FRMD4A: variants seen among roughly 807,000 people sequenced by gnomAD.
The protein encoded by FRMD4A is FERM domain-containing protein 4A.
In FRMD4A, 29 loss-of-function variants were observed where a neutral mutation model predicts 129.1. The ratio of observed to expected loss-of-function variants is 0.22; its 90% confidence interval spans 0.17 to 0.31. FRMD4A has a LOEUF of 0.31. Among genes scored for constraint, FRMD4A ranks in the 10% least tolerant of loss-of-function variants. The pLI, the probability that FRMD4A is intolerant of heterozygous loss-of-function variation, is 1.00. For synonymous variants in FRMD4A, 634 were observed against 571.6 expected (o/e 1.11, Z -1.56); for missense variants, 1,272 against 1,375.8 (o/e 0.92, Z 1.19).
At chr10:13,815,124 C>T (rs1169842265) in intron 3 of FRMD4A, among the ~76,000 whole-genome samples, 1 of 152,082 alleles carries the variant, frequency 6.6e-6, no homozygotes, top group Non-Finnish European at 1.5e-5. Flanking sequence ...CATTCTTTTG[C>T]CAAAGAAGAT....
chr10:14,163,628 T>TC (rs1323277566), intron 2 of FRMD4A, among the ~76,000 whole-genome samples: 2 of 152,192 alleles, frequency 1.3e-5, no homozygotes, highest in Non-Finnish European at 2.9e-5. Flanking sequence ...ACTTAATAAA[T>TC]CCTTGTTGGA....
At chr10:13,941,438 A>G (rs1399842715) in intron 2 of FRMD4A, among the ~76,000 whole-genome samples, 1 of 152,236 alleles carries the variant, frequency 6.6e-6, no homozygotes, top group East Asian at 1.9e-4. Flanking sequence ...AGCAGCGTGT[A>G]AACGGACTAA....
At chr10:13,863,004 A>G (rs1468248320) in intron 2 of FRMD4A, among the ~76,000 whole-genome samples, 1 of 148,276 alleles carries the variant, frequency 6.7e-6, no homozygotes, top group Non-Finnish European at 1.5e-5. Context: ...CCCTGGCATC[A>G]CCCTCAAAGG....
chr10:14,187,139 G>A (rs1842171832), intron 2 of FRMD4A, among the ~76,000 whole-genome samples: 1 of 122,988 alleles, frequency 8.1e-6, no homozygotes, highest in African/African-American at 3.0e-5. Flanking sequence ...AGGAAAGAAG[G>A]AAGGAAGGAA....
At chr10:13,723,133 T>G (rs1317149910) in intron 12 of FRMD4A, among the ~76,000 whole-genome samples, 1 of 152,112 alleles carries the variant, frequency 6.6e-6, no homozygotes, top group African/African-American at 2.4e-5. Context: ...GTTAGCTACA[T>G]CCCTATGCTG....
intron 2 of FRMD4A, among the ~76,000 whole-genome samples, chr10:14,001,343 G>A (rs1222417709): frequency 5.3e-5 from 8 of 152,188 alleles, no homozygotes; most frequent in African/African-American, 1.9e-4. Context: ...ATGACGAGGG[G>A]ACAAGCTATT....
chr10:13,721,207 C>T (rs1037160639), intron 12 of FRMD4A, among the ~76,000 whole-genome samples: 3 of 152,112 alleles, frequency 2.0e-5, no homozygotes, highest in African/African-American at 7.2e-5. Flanking sequence ...TCTGGCTGGG[C>T]CTAGAGGCTC....
At position 13,889,975 on chromosome 10, in the gene FRMD4A, C is replaced by T. The variant is rs192712276; in HGVS notation, c.46-31063G>A. ...GATTCAAACCTATTTGTCACACGACCCTCATTCCTGCTGTGCCCTAAATAA... is the reference window on the plus strand; with the variant it reads ...GATTCAAACCTATTTGTCACACGACTCTCATTCCTGCTGTGCCCTAAATAA... On this transcript the variant is annotated intron_variant, in intron 2 of 24. Transcript: ENST00000357447. Among the ~76,000 whole-genome samples the T allele has an allele frequency of 3.7e-3, 571 of 152,294 alleles. 1 individual carries two copies. Among genetic ancestry groups the T allele is most frequent in the African/African-American group, 0.012 (513 of 41,556 alleles).
At chr10:14,214,554 A>G (rs1344818181) in intron 2 of FRMD4A, among the ~76,000 whole-genome samples, 2 of 152,196 alleles carry the variant, frequency 1.3e-5, no homozygotes, top group Non-Finnish European at 2.9e-5. Flanking sequence ...CTTAATATAC[A>G]TTATCTTGTA....
chr10:14,158,438 C>A lies in FRMD4A; in HGVS notation c.45+171620G>T, dbSNP rs563452402. Among the ~76,000 whole-genome samples, 12 of 152,088 alleles carry A rather than the reference C, an allele frequency of 7.9e-5. No homozygotes were observed. The South Asian group carries it at 1.5e-3, about 18-fold the overall frequency. On this transcript the variant is annotated intron_variant, in intron 2 of 24. Transcript: ENST00000357447. ...CAAGCTTGGGCAACACAGCAAGACC[C>A]CACCTCTACAAAAAATAATTAAAAA...
At chr10:13,865,009 C>G (rs117554239) in intron 2 of FRMD4A, among the ~76,000 whole-genome samples, 1 of 152,116 alleles carries the variant, frequency 6.6e-6, no homozygotes, top group Non-Finnish European at 1.5e-5. Flanking sequence ...GGGTCTTGCT[C>G]TGTTGTCCAG....
At chr10:13,997,118 T>C (rs1283235668) in intron 2 of FRMD4A, among the ~76,000 whole-genome samples, 1 of 152,186 alleles carries the variant, frequency 6.6e-6, no homozygotes, top group East Asian at 1.9e-4. Context: ...TAGATGATAC[T>C]GAAATTGGTC....
intron 2 of FRMD4A, among the ~76,000 whole-genome samples, chr10:13,895,202 C>T (rs2094743507): frequency 6.6e-6 from 1 of 152,114 alleles, no homozygotes; most frequent in Admixed American, 6.5e-5. Context: ...AAGCCTATTA[C>T]CCATTAGTTA....
intron 23 of FRMD4A, chr10:13,653,739 CA>C (rs1325455072): frequency 6.6e-6 from 1 of 152,612 alleles, no homozygotes; most frequent in Admixed American, 6.5e-5. Context: ...ACAGAAGAGG[CA>C]GGTGCTGTAG....
At chr10:14,075,822 C>A (rs1179162243) in intron 2 of FRMD4A, among the ~76,000 whole-genome samples, 1 of 152,030 alleles carries the variant, frequency 6.6e-6, no homozygotes, top group Non-Finnish European at 1.5e-5. Context: ...AATCAACAAA[C>A]CACATCTGAT....
At chr10:14,220,015 G>A (rs1843197069) in intron 2 of FRMD4A, among the ~76,000 whole-genome samples, 1 of 152,176 alleles carries the variant, frequency 6.6e-6, no homozygotes, top group African/African-American at 2.4e-5. Context: ...TATCTGTGAA[G>A]TGACGAAGCA....
At chr10:13,915,403 T>G (rs901276274) in intron 2 of FRMD4A, among the ~76,000 whole-genome samples, 1 of 151,912 alleles carries the variant, frequency 6.6e-6, no homozygotes, top group East Asian at 1.9e-4. Flanking sequence ...CTGGGCTCGG[T>G]GGCTCACGCC....
At position 13,776,687 on chromosome 10, in the gene FRMD4A, C is replaced by T. The variant is rs189794302; in HGVS notation, c.384+6235G>A. Among the ~76,000 whole-genome samples, 651 of 152,220 alleles carry T rather than the reference C, an allele frequency of 4.3e-3. 5 individuals are homozygous for T. Among genetic ancestry groups the T allele is most frequent in the Middle Eastern group, 0.014 (4 of 294 alleles). On this transcript the variant is annotated intron_variant, in intron 6 of 24. Coordinates refer to ENST00000357447, the MANE Select transcript of FRMD4A (RefSeq NM_018027.5). The stretch of plus-strand genomic sequence containing the variant: ...TGAACTTTGAAAAAGCAGAAATAAG[C>T]GGCTTATTTTACCTTGACAACTTAG...
chr10:13,976,858 G>A (rs907976624), intron 2 of FRMD4A, among the ~76,000 whole-genome samples: 1 of 152,146 alleles, frequency 6.6e-6, no homozygotes, highest in African/African-American at 2.4e-5. Context: ...TCTATCTCAG[G>A]TCAAAGTCAG....
Sources: gnomAD v4.1 joint callset for allele counts (sites outside exome capture counted in the v4.1 genomes callset) on GRCh38, gnomAD v4.1.1 for gene constraint, MANE v1.5 for transcripts, NCBI Gene and HGNC (gene_info 2026-07-23, HGNC 2026-07-21) for gene names.